The following STK4 variants were observed in gnomAD, a reference collection of about 807,000 sequenced individuals.
STK4 encodes the protein serine/threonine-protein kinase 4.
Under a neutral mutation model 64.9 loss-of-function variants are expected in STK4, and 30 were observed. The observed-to-expected ratio is 0.46, with a 90% CI of 0.35 to 0.63. The LOEUF (loss-of-function observed/expected upper bound fraction) is 0.63, where lower values mean the gene tolerates loss of function less well. STK4 is among the 20% of genes least tolerant of loss of function. The pLI, the probability that STK4 is intolerant of heterozygous loss-of-function variation, is 0.01. For missense variants in STK4, 466 were observed against 598.5 expected, an observed-to-expected ratio of 0.78 and a Z score of 2.31; for synonymous variants, 177 against 199.0, an observed-to-expected ratio of 0.89 and a Z score of 0.93.
At chr20:45,031,175 T>A (rs911033827) in intron 10 of STK4, among the ~76,000 whole-genome samples, 15 of 46,952 alleles carry the variant, frequency 3.2e-4, no homozygotes, top group African/African-American at 1.0e-3. Context: ...TAATAGCGAA[T>A]TTTTTTTTTT....
Position 44,997,692 on chromosome 20 carries a change from A to G in STK4, c.831+386A>G, listed in dbSNP as rs968602320. Reference sequence around the variant, plus strand: ...AGCCTGAGCAATAGAGTGAGACGCTATCTCGAAAAACAAAGTAAAAGAAGT... The same window carrying G: ...AGCCTGAGCAATAGAGTGAGACGCTGTCTCGAAAAACAAAGTAAAAGAAGT... On this transcript the variant is annotated intron_variant, in intron 7 of 10. Transcript: ENST00000372806. Among the ~76,000 whole-genome samples, 6 of 152,230 alleles carry G rather than the reference A, an allele frequency of 3.9e-5. No homozygotes were observed. In the South Asian group the frequency reaches 1.2e-3, roughly 31 times the overall value.
At chr20:45,031,753 A>G (rs116912917) in intron 10 of STK4, among the ~76,000 whole-genome samples, 9,397 of 152,038 alleles carry the variant, frequency 0.062, 422 homozygotes, top group Middle Eastern at 0.14. Flanking sequence ...AGTACAAAAA[A>G]TTAGTTGGGC....
At chr20:44,978,694 C>A in intron 3 of STK4, 123 bp downstream of exon 3, 1 of 1,112,402 alleles carries the variant, frequency 9.0e-7, no homozygotes. Flanking sequence ...TCGATGGAAT[C>A]ACTGTGCATT....
chr20:44,987,175 AG>A lies in STK4; in HGVS notation c.407del (p.Gly136AspfsTer8). The A allele has an allele frequency of 6.2e-7, 1 of 1,608,036 alleles. No homozygotes were observed. The highest frequency in any genetic ancestry group is 8.5e-7 in the Non-Finnish European group (1 of 1,176,630). On this transcript the variant is annotated frameshift_variant, in exon 5 of 11. Coordinates refer to ENST00000372806, the MANE Select transcript of STK4 (RefSeq NM_006282.5). LOFTEE classifies it high-confidence loss of function. Reference sequence around the variant, plus strand: ...GCTACAATATTACAATCAACTCTTAAGGGACTTGAATACCTTCATTTTATGA... The same window carrying A: ...GCTACAATATTACAATCAACTCTTAAGGACTTGAATACCTTCATTTTATGA... ...EIATILQSTL[K>X]GLEYLHFMRK...
At chr20:45,046,060 G>A (rs2068689744) in intron 10 of STK4, among the ~76,000 whole-genome samples, 1 of 152,008 alleles carries the variant, frequency 6.6e-6, no homozygotes, top group African/African-American at 2.4e-5. Flanking sequence ...GCCTGCCTCC[G>A]CCTCCCAAAG....
chr20:45,041,597 G>T (rs2157363), intron 10 of STK4, among the ~76,000 whole-genome samples: 21,533 of 151,982 alleles, frequency 0.14, 1,737 homozygotes, highest in East Asian at 0.22. Context: ...CATAAATAGG[G>T]AATGCAATTT....
Position 45,040,750 on chromosome 20 carries a change from A to G in STK4, c.1305+15620A>G, listed in dbSNP as rs546913100. Among the ~76,000 whole-genome samples the G allele has an allele frequency of 1.5e-4, 23 of 151,996 alleles. No individual in the cohort carries two copies. The South Asian group carries it at 4.6e-3, about 30-fold the overall frequency. Reference sequence around the variant, plus strand: ...GGTCATTTTTTTCTAAGCCTTTTCAATGTATGAATCCAGGAAATGTGTTTA... The same window carrying G: ...GGTCATTTTTTTCTAAGCCTTTTCAGTGTATGAATCCAGGAAATGTGTTTA... On this transcript the variant is annotated intron_variant, in intron 10 of 10. Coordinates refer to ENST00000372806, the MANE Select transcript of STK4 (RefSeq NM_006282.5).
Position 44,987,023 on chromosome 20 carries a change from T to C in STK4, c.361-109T>C, listed in dbSNP as rs16989584. 2.3e-4 allele frequency: 200 copies of C among 883,682 alleles called. No homozygotes were observed. In the African/African-American group the frequency reaches 3.2e-3, roughly 14 times the overall value. The allele number at this position is 883,682 out of a possible 1,614,324, so 54.7% of individuals were successfully genotyped here. ...TAAGCAGTCAAATGCTGTTCACAGG[T>C]TGAATAAGATCTGTTTATATTAAAG... On this transcript the variant is annotated intron_variant, in intron 4 of 10. Coordinates refer to ENST00000372806, the MANE Select transcript of STK4 (RefSeq NM_006282.5).
At chr20:45,074,564 G>T (rs6103992) in intron 10 of STK4, among the ~76,000 whole-genome samples, 9,340 of 151,980 alleles carry the variant, frequency 0.061, 961 homozygotes, top group African/African-American at 0.21. Context: ...CATCAGCATC[G>T]ATCCTCCATG....
At chr20:45,062,653 T>TG (rs1390111536) in intron 10 of STK4, among the ~76,000 whole-genome samples, 1 of 152,112 alleles carries the variant, frequency 6.6e-6, no homozygotes, top group Non-Finnish European at 1.5e-5. Context: ...AATCTTACTG[T>TG]GGGGTTTTTT....
intron 10 of STK4, 122 bp from the exon 11 acceptor site, chr20:45,074,896 T>A: frequency 8.4e-7 from 1 of 1,187,708 alleles, no homozygotes; most frequent in East Asian, 2.4e-5. Context: ...CAACCTGTGA[T>A]CTGACCACAG....
chr20:45,012,979 T>C (rs941971931), intron 9 of STK4, among the ~76,000 whole-genome samples: 3 of 61,584 alleles, frequency 4.9e-5, no homozygotes, highest in Non-Finnish European at 6.4e-5. Flanking sequence ...TTTTTTTTTT[T>C]ATAGAGATGG....
intron 5 of STK4, among the ~76,000 whole-genome samples, chr20:44,987,507 T>A (rs1316855313): frequency 6.6e-6 from 1 of 152,182 alleles, no homozygotes; most frequent in East Asian, 1.9e-4. Flanking sequence ...TTGTTCAACT[T>A]TTATAAAGAT....
Position 45,076,307 on chromosome 20 carries a change from T to C in STK4, c.*1131T>C, listed in dbSNP as rs1279365181. 3 of 152,188 alleles carry C rather than the reference T, an allele frequency of 2.0e-5. No individual in the cohort carries two copies. Among genetic ancestry groups the C allele is most frequent in the African/African-American group, 7.2e-5 (3 of 41,434 alleles). 9.4% of individuals were successfully genotyped at this position (152,188 alleles called of 1,614,324 possible). A position where few individuals can be genotyped will look rare whatever the true frequency, so the allele number is the denominator to read the frequency against. On this transcript the variant is annotated 3_prime_UTR_variant, in exon 11 of 11. Coordinates refer to ENST00000372806, the MANE Select transcript of STK4 (RefSeq NM_006282.5). The surrounding 1 kb of genome is among the most constrained non-coding windows in gnomAD (Gnocchi z 4.0). ...ATAGAGATCATCTGATCTGATCCTC[T>C]TGTACGGATGATCGCAAAACTGAGG... is the stretch of plus-strand genomic sequence containing the variant.
chr20:45,064,113 G>T (rs562923957), intron 10 of STK4, among the ~76,000 whole-genome samples: 2 of 152,150 alleles, frequency 1.3e-5, no homozygotes, highest in East Asian at 1.9e-4. Flanking sequence ...CGGCCAAGGG[G>T]GGGGGTCCAG....
intron 10 of STK4, among the ~76,000 whole-genome samples, chr20:45,042,683 G>T (rs2068632106): frequency 6.6e-6 from 1 of 152,102 alleles, no homozygotes; most frequent in African/African-American, 2.4e-5. Flanking sequence ...GTTTGATGCT[G>T]ATATTACTGA....
intron 10 of STK4, among the ~76,000 whole-genome samples, chr20:45,043,135 A>G (rs1028905873): frequency 6.6e-6 from 1 of 152,102 alleles, no homozygotes; most frequent in African/African-American, 2.4e-5. Context: ...TTAGTTTGCT[A>G]AGGATAATCA....
chr20:45,017,315 A>T (rs1177620300), intron 9 of STK4, among the ~76,000 whole-genome samples: 1 of 152,238 alleles, frequency 6.6e-6, no homozygotes, highest in Non-Finnish European at 1.5e-5. Context: ...TTCAAATAAT[A>T]GTATTTGATA....
At chr20:44,973,376 G>T (rs144767771) in intron 2 of STK4, 2 of 152,332 alleles carry the variant, frequency 1.3e-5, no homozygotes, top group Admixed American at 1.3e-4. Flanking sequence ...CAGCTGTGCT[G>T]TGAAAAGACA....
Sources: allele counts gnomAD v4.1 joint callset (sites outside exome capture counted in the v4.1 genomes callset), GRCh38; gene constraint gnomAD v4.1.1; non-coding constraint Gnocchi (gnomAD v3.1); transcripts MANE v1.5; gene names NCBI Gene and HGNC (gene_info 2026-07-23, HGNC 2026-07-21).